COL11A2: variants seen among roughly 807,000 people sequenced by gnomAD.
The protein encoded by COL11A2 is collagen type XI alpha 2 chain.
Under a neutral mutation model 273.4 loss-of-function variants are expected in COL11A2, and 116 were observed. The observed-to-expected ratio is 0.42, with a 90% CI of 0.36 to 0.49. The LOEUF is 0.49. COL11A2 is among the 20% of genes least tolerant of loss of function. COL11A2 has a pLI of 0.00. For missense variants in COL11A2, 1,866 were observed against 2,309.0 expected (o/e 0.81, Z 3.93); for synonymous variants, 782 against 864.2 (o/e 0.90, Z 1.67).
At chr6:33,175,358 C>G in intron 30 of COL11A2, 1 of 686,016 alleles carries the variant, frequency 1.5e-6, no homozygotes, top group Non-Finnish European at 2.7e-6. Context: ...GCTTCGTCTC[C>G]GTCCAACTCT....
At chr6:33,174,708 T>C in intron 30 of COL11A2, 128 bp from the exon 31 acceptor site, 1 of 838,642 alleles carries the variant, frequency 1.2e-6, no homozygotes. Flanking sequence ...CCCCAGCCTC[T>C]AGCCCCTCAT....
chr6:33,182,317 A>G (rs1413233175), intron 8 of COL11A2, among the ~76,000 whole-genome samples: 2 of 152,258 alleles, frequency 1.3e-5, no homozygotes, highest in African/African-American at 4.8e-5. Context: ...GTCTTTCTCC[A>G]GAAATGAAAA....
chr6:33,170,535 G>C lies in COL11A2; in HGVS notation c.3528+22C>G. On this transcript the variant is annotated intron_variant, in intron 47 of 65. Coordinates refer to ENST00000341947, the MANE Select transcript of COL11A2 (RefSeq NM_080680.3). The surrounding 1 kb of genome is among the most constrained non-coding windows in gnomAD (Gnocchi z 4.3). ...GGGGGGTGACTAGTATGGTGGCTAG[G>C]GTCAGTAGGGGTCACACTCACCATA... 6.2e-7 allele frequency: 1 copy of C among 1,611,968 alleles called. No individual in the cohort carries two copies. The highest frequency in any genetic ancestry group is 8.5e-7 in the Non-Finnish European group (1 of 1,179,682).
chr6:33,172,981 G>A, intron 38 of COL11A2, 79 bp downstream of exon 38: 6 of 1,470,790 alleles, frequency 4.1e-6, no homozygotes, highest in Non-Finnish European at 5.7e-6. Context: ...ACCGGGGCAG[G>A]GGCGTGTGAC....
chr6:33,163,925 G>C lies in COL11A2; in HGVS notation c.5071-107C>G. 2.0e-6 allele frequency: 3 copies of C among 1,530,726 alleles called. No individual in the cohort carries two copies. The highest frequency in any genetic ancestry group is 2.7e-6 in the Non-Finnish European group (3 of 1,109,684). 94.8% of individuals were successfully genotyped at this position (1,530,726 alleles called of 1,614,324 possible). ...CCTCTGAGCACCTTGGCCCCATCAG[G>C]GTGACTCAGGATGTACAGACTGGCA... On this transcript the variant is annotated intron_variant, in intron 65 of 65. Transcript: ENST00000341947. The surrounding 1 kb of genome is among the most constrained non-coding windows in gnomAD (Gnocchi z 4.1).
chr6:33,183,896 T>A lies in COL11A2; in HGVS notation c.1119+249A>T, dbSNP rs572635408. On this transcript the variant is annotated intron_variant, in intron 8 of 65. Coordinates refer to ENST00000341947, the MANE Select transcript of COL11A2 (RefSeq NM_080680.3). ...AGAAAGACAGGAAGTGGCTACATAT[T>A]TTTTTTTTTTAATTCCCAATTGCCC... Among the ~76,000 whole-genome samples, 639 of 145,972 alleles carry A rather than the reference T, an allele frequency of 4.4e-3. 8 individuals are homozygous for A. The highest frequency in any genetic ancestry group is 0.016 in the African/African-American group (618 of 39,306).
Position 33,171,752 on chromosome 6 carries a change from CG to C in COL11A2, c.3110del (p.Pro1037ArgfsTer308). On this transcript the variant is annotated frameshift_variant, in exon 42 of 66. Coordinates refer to ENST00000341947, the MANE Select transcript of COL11A2 (RefSeq NM_080680.3). LOFTEE classifies it high-confidence loss of function. ...GPIGPPGRPG[P>X]QGPPGAAGEK... ...CTCCTGCTGCTCCAGGGGGACCCTG[CG>C]GGCCTGGGCGCCCTGGCGGACCAAT... 1 of 1,612,914 alleles carries C rather than the reference CG, an allele frequency of 6.2e-7. No individual in the cohort carries two copies. Among genetic ancestry groups the C allele is most frequent in the Non-Finnish European group, 8.5e-7 (1 of 1,179,952 alleles).
In COL11A2 at chr6:33,167,740, G is replaced by A. The variant is rs1769377057; in HGVS notation, c.4014+59C>T. 1 of 1,596,976 alleles carries A rather than the reference G, an allele frequency of 6.3e-7. No individual in the cohort carries two copies. The highest frequency in any genetic ancestry group is 8.6e-7 in the Non-Finnish European group (1 of 1,167,308). On this transcript the variant is annotated intron_variant, in intron 55 of 65. Transcript: ENST00000341947. The surrounding 1 kb of genome is among the most constrained non-coding windows in gnomAD (Gnocchi z 6.1). The stretch of plus-strand genomic sequence containing the variant: ...ATGGGGTGGGCATCTGGAGACGGAG[G>A]CATCTGAGGGGTGGGAGGCGGAGGG...
In COL11A2 at chr6:33,173,560, A is replaced by G. The variant is rs757955243; in HGVS notation, c.2629-5T>C. 5 of 1,327,846 alleles carry G rather than the reference A, an allele frequency of 3.8e-6. No homozygotes were observed. The allele number at this position is 1,327,846 out of a possible 1,614,324, so 82.3% of individuals were successfully genotyped here. On this transcript the variant is annotated splice_region_variant and splice_polypyrimidine_tract_variant and intron_variant, in intron 35 of 65. Coordinates refer to ENST00000341947, the MANE Select transcript of COL11A2 (RefSeq NM_080680.3). This position sits in a 1 kb window ranked among gnomAD's most constrained non-coding sequence, Gnocchi z 6.3. ...ACCCTGAGGTCCAGGGAGGCCCTAG[A>G]GACAGAGGTGGGGGGAGTCAGGAGA...
At chr6:33,168,285 G>GC (rs1217302789) in intron 54 of COL11A2, among the ~76,000 whole-genome samples, 1 of 147,054 alleles carries the variant, frequency 6.8e-6, no homozygotes, top group Non-Finnish European at 1.5e-5. Flanking sequence ...ACACACACTC[G>GC]CCCAGTGCAA....
chr6:33,166,138 G>C lies in COL11A2; in HGVS notation c.4428+33C>G, dbSNP rs764354878. The C allele has an allele frequency of 6.2e-7, 1 of 1,608,186 alleles. No homozygotes were observed. The highest frequency in any genetic ancestry group is 1.1e-5 in the South Asian group (1 of 89,816). The stretch of plus-strand genomic sequence containing the variant: ...GACATCATCAAGTCCAGAGGGGGTG[G>C]AGCAAAGGTCAGAGCTGAAGGGGGT... On this transcript the variant is annotated intron_variant, in intron 61 of 65. Coordinates refer to ENST00000341947, the MANE Select transcript of COL11A2 (RefSeq NM_080680.3). The surrounding 1 kb of genome is among the most constrained non-coding windows in gnomAD (Gnocchi z 4.8).
chr6:33,175,630 T>C lies in COL11A2; in HGVS notation c.2320A>G (p.Lys774Glu). 1 of 1,612,840 alleles carries C rather than the reference T, an allele frequency of 6.2e-7. No individual in the cohort carries two copies. The highest frequency in any genetic ancestry group is 8.5e-7 in the Non-Finnish European group (1 of 1,179,976). The change falls in exon 30 of 66, where the codon AAG becomes GAG. Residue 774 changes from lysine (K) to glutamate (E), a missense_variant. Coordinates refer to ENST00000341947, the MANE Select transcript of COL11A2 (RefSeq NM_080680.3). ...SRGEDGPEGP[K>E]GRTGPTGDPG... is the part of the protein sequence containing the mutation. ...TCTCCAGTCGGTCCAGTGCGTCCCT[T>C]TGGCCCCTCAGGACCATCCTCTCCC...
chr6:33,167,041 A>T lies in COL11A2; in HGVS notation c.4230+29T>A, dbSNP rs1769251114. 6.2e-7 allele frequency: 1 copy of T among 1,612,444 alleles called. No individual in the cohort carries two copies. The highest frequency in any genetic ancestry group is 2.2e-5 in the East Asian group (1 of 44,870). On this transcript the variant is annotated intron_variant, in intron 58 of 65. Coordinates refer to ENST00000341947, the MANE Select transcript of COL11A2 (RefSeq NM_080680.3). The surrounding 1 kb of genome is among the most constrained non-coding windows in gnomAD (Gnocchi z 6.1). ...CAGGGGCGAGGGTGATGGGAGAGAC[A>T]CCTGGCCACGTGTCTGTCTGTCACT...
At position 33,164,889 on chromosome 6, in the gene COL11A2, C is replaced by G. The variant is rs779957849; in HGVS notation, c.4826G>C (p.Gly1609Ala). The G allele has an allele frequency of 6.4e-7, 1 of 1,573,536 alleles. No homozygotes were observed. Among genetic ancestry groups the G allele is most frequent in the African/African-American group, 1.3e-5 (1 of 74,108 alleles). ...ATCCCTAGGCGTCACACAGGTCTCA[C>G]CCCCTGCTGTGAAGTTGCAGAAAAC... is the stretch of plus-strand genomic sequence containing the variant. Reference protein sequence around the residue: ...FRVFCNFTAGGETCVTPRDDV... With the variant: ...FRVFCNFTAGAETCVTPRDDV... The change falls in exon 64 of 66, where the codon GGT becomes GCT. Residue 1609 changes from glycine (G) to alanine (A), a missense_variant. Physicochemically the swap from Gly to Ala is moderately conservative, Grantham distance 60. Transcript: ENST00000341947. The surrounding 1 kb of genome is among the most constrained non-coding windows in gnomAD (Gnocchi z 4.7).
At position 33,184,179 on chromosome 6, in the gene COL11A2, G is replaced by A; in HGVS notation, c.1085C>T (p.Pro362Leu). 7.3e-7 allele frequency: 1 copy of A among 1,367,448 alleles called. No homozygotes were observed. Among genetic ancestry groups the A allele is most frequent in the Non-Finnish European group, 9.8e-7 (1 of 1,021,996 alleles). 84.7% of individuals were successfully genotyped at this position (1,367,448 alleles called of 1,614,324 possible). ...GTGGGCTGTCTCCGCAGAGAGGGCAGGGCCAAGCTCTGTCTCCTCACGATA... is the reference window on the plus strand; with the variant it reads ...GTGGGCTGTCTCCGCAGAGAGGGCAAGGCCAAGCTCTGTCTCCTCACGATA... ...DDYREETELG[P>L]ALSAETAHSG... Residue 362 changes from proline to leucine, a missense_variant, in exon 8 of 66, where the codon CCT becomes CTT. Transcript: ENST00000341947.
chr6:33,179,073 C>CCTT lies in COL11A2; in HGVS notation c.1608_1610dup (p.Arg537dup). 1 of 1,613,960 alleles carries CCTT rather than the reference C, an allele frequency of 6.2e-7. No individual in the cohort carries two copies. The highest frequency in any genetic ancestry group is 8.5e-7 in the Non-Finnish European group (1 of 1,179,864). On this transcript the variant is annotated inframe_insertion and splice_region_variant, in exon 16 of 66. Coordinates refer to ENST00000341947, the MANE Select transcript of COL11A2 (RefSeq NM_080680.3). This position sits in a 1 kb window ranked among gnomAD's most constrained non-coding sequence, Gnocchi z 6.4. ...ACCCATCCACCCCTGGGGCACTCACCCTTCGCCCAGCCTTGCCAGGAGGGC... is the reference window on the plus strand; with the variant it reads ...ACCCATCCACCCCTGGGGCACTCACCCTTCTTCGCCCAGCCTTGCCAGGAGGGC...
At position 33,176,202 on chromosome 6, in the gene COL11A2, G is replaced by A; in HGVS notation, c.2214+57C>T. 1 of 1,606,412 alleles carries A rather than the reference G, an allele frequency of 6.2e-7. No individual in the cohort carries two copies. The highest frequency in any genetic ancestry group is 8.5e-7 in the Non-Finnish European group (1 of 1,174,922). Reference sequence around the variant, plus strand: ...TGCGGGGCAGGCTGGAGGGAAGGCAGTGAAGAGAGGAGATGGCAGGACTGA... The same window carrying A: ...TGCGGGGCAGGCTGGAGGGAAGGCAATGAAGAGAGGAGATGGCAGGACTGA... On this transcript the variant is annotated intron_variant, in intron 28 of 65. Coordinates refer to ENST00000341947, the MANE Select transcript of COL11A2 (RefSeq NM_080680.3). This position sits in a 1 kb window ranked among gnomAD's most constrained non-coding sequence, Gnocchi z 4.9.
intron 41 of COL11A2, 61 bp from the exon 42 acceptor site, chr6:33,171,881 C>G: frequency 6.3e-7 from 1 of 1,589,720 alleles, no homozygotes; most frequent in African/African-American, 1.3e-5. Context: ...TACCAGAGAA[C>G]CTCAGACCAC....
At position 33,171,332 on chromosome 6, in the gene COL11A2, G is replaced by A. The variant is rs756647706; in HGVS notation, c.3259-8C>T. The A allele has an allele frequency of 6.2e-7, 1 of 1,614,176 alleles. No individual in the cohort carries two copies. The highest frequency in any genetic ancestry group is 8.5e-7 in the Non-Finnish European group (1 of 1,179,996). ...GGGGTCCCCCACCTCACCCTGGGAG[G>A]AGAAGGCAGACAAGATATTAGAGAA... On this transcript the variant is annotated splice_region_variant and splice_polypyrimidine_tract_variant and intron_variant, in intron 43 of 65. Coordinates refer to ENST00000341947, the MANE Select transcript of COL11A2 (RefSeq NM_080680.3).
Sources: gnomAD v4.1 joint callset for allele counts (sites outside exome capture counted in the v4.1 genomes callset) on GRCh38, gnomAD v4.1.1 for gene constraint, Gnocchi (gnomAD v3.1) non-coding constraint, MANE v1.5 for transcripts, NCBI Gene and HGNC (gene_info 2026-07-23, HGNC 2026-07-21) for gene names.